The following ETFA variants were observed in gnomAD, a reference collection of about 807,000 sequenced individuals.
ETFA encodes electron transfer flavoprotein subunit alpha, mitochondrial.
In ETFA, 22 loss-of-function variants were observed where a neutral mutation model predicts 46.2. The ratio of observed to expected loss-of-function variants is 0.48; its 90% CI spans 0.34 to 0.68. ETFA has a LOEUF of 0.68. Ranked by LOEUF, ETFA falls within the 30% of genes least tolerant of loss-of-function variation. ETFA has a pLI of 0.01. For synonymous variants in ETFA, 131 were observed against 139.9 expected, an observed-to-expected ratio of 0.94 and a Z score of 0.45; for missense variants, 345 against 401.1, an observed-to-expected ratio of 0.86 and a Z score of 1.19.
intron 1 of ETFA, among the ~76,000 whole-genome samples, chr15:76,307,086 A>G (rs2039946714): frequency 6.6e-6 from 1 of 152,340 alleles, no homozygotes; most frequent in African/African-American, 2.4e-5. Flanking sequence ...CAATAAACAC[A>G]GTAAAAAGAG....
At chr15:76,304,358 C>T (rs1033035575) in intron 1 of ETFA, among the ~76,000 whole-genome samples, 4 of 152,016 alleles carry the variant, frequency 2.6e-5, no homozygotes, top group East Asian at 1.9e-4. Flanking sequence ...ATTACCTGGG[C>T]GGCAAAATAA....
At chr15:76,290,492 G>C (rs2039750505) in intron 4 of ETFA, among the ~76,000 whole-genome samples, 2 of 151,794 alleles carry the variant, frequency 1.3e-5, no homozygotes, top group South Asian at 4.2e-4. Context: ...CCACAGGCAT[G>C]CACCACCACA....
chr15:76,235,692 T>A (rs1330716573), intron 9 of ETFA, among the ~76,000 whole-genome samples: 2 of 152,164 alleles, frequency 1.3e-5, no homozygotes, highest in Admixed American at 6.5e-5. Flanking sequence ...CACAAAAATC[T>A]GTAATCCAAT....
intron 5 of ETFA, 51 bp from the exon 6 acceptor site, chr15:76,286,532 T>C (rs1287968085): frequency 9.1e-7 from 1 of 1,103,746 alleles, no homozygotes; most frequent in Admixed American, 1.8e-5. Flanking sequence ...GCAACAAAAC[T>C]AGCACTCCTT....
chr15:76,287,982 A>G (rs1334684707), intron 4 of ETFA, 37 bp from the exon 5 acceptor site: 1 of 1,238,924 alleles, frequency 8.1e-7, no homozygotes. Flanking sequence ...ACACACATAC[A>G]TAGTGATGGA....
At chr15:76,260,834 G>A (rs1212902545) in intron 9 of ETFA, 1 of 1,610,674 alleles carries the variant, frequency 6.2e-7, no homozygotes, top group African/African-American at 1.3e-5. Flanking sequence ...TGTAGCTGGT[G>A]GCAGGCACCA....
At chr15:76,249,753 T>A (rs565923645) in intron 9 of ETFA, among the ~76,000 whole-genome samples, 26 of 152,302 alleles carry the variant, frequency 1.7e-4, no homozygotes, top group African/African-American at 5.8e-4. Context: ...GTAATCATTT[T>A]AAAATATATA....
intron 9 of ETFA, among the ~76,000 whole-genome samples, chr15:76,258,268 C>T (rs1204521212): frequency 1.3e-5 from 2 of 152,100 alleles, no homozygotes; most frequent in Non-Finnish European, 2.9e-5. Context: ...CAGCCTCACT[C>T]GCTCTTGGGC....
At chr15:76,301,688 C>T (rs552771068) in intron 1 of ETFA, among the ~76,000 whole-genome samples, 5 of 147,572 alleles carry the variant, frequency 3.4e-5, no homozygotes, top group South Asian at 2.3e-4. Context: ...CCAGCCTAGG[C>T]GAGAGAGACT....
chr15:76,261,034 G>A (rs1253311628), intron 9 of ETFA: 13 of 1,599,672 alleles, frequency 8.1e-6, no homozygotes, highest in South Asian at 3.3e-5. Context: ...GGGACTGCAG[G>A]CAGTGCTTGA....
At chr15:76,249,419 C>G (rs576976859) in intron 9 of ETFA, among the ~76,000 whole-genome samples, 9 of 142,854 alleles carry the variant, frequency 6.3e-5, no homozygotes, top group Admixed American at 4.9e-4. Context: ...TGAACCACCA[C>G]GCCCAGTCCA....
intron 9 of ETFA, among the ~76,000 whole-genome samples, chr15:76,249,358 C>T (rs1247960211): frequency 6.6e-6 from 1 of 151,648 alleles, no homozygotes; most frequent in Admixed American, 6.6e-5. Flanking sequence ...GAACTCCCAA[C>T]CTCAGGTGAT....
At chr15:76,270,242 T>C (rs1254917965) in intron 9 of ETFA, among the ~76,000 whole-genome samples, 1 of 152,044 alleles carries the variant, frequency 6.6e-6, no homozygotes, top group Non-Finnish European at 1.5e-5. Context: ...GTGTTGGAGC[T>C]TGAGTGGGGC....
intron 11 of ETFA, among the ~76,000 whole-genome samples, chr15:76,218,525 G>A (rs2038922280): frequency 6.6e-6 from 1 of 152,028 alleles, no homozygotes; most frequent in South Asian, 2.1e-4. Flanking sequence ...CCCACCTCAG[G>A]CTCCCAAAGT....
intron 9 of ETFA, among the ~76,000 whole-genome samples, chr15:76,272,813 C>CATACAT (rs1555457981): frequency 2.9e-5 from 4 of 137,558 alleles, no homozygotes; most frequent in South Asian, 4.5e-4. Flanking sequence ...AAAATATATA[C>CATACAT]ATATATATAT....
chr15:76,295,673 G>C lies in ETFA; in HGVS notation c.104C>G (p.Pro35Arg), dbSNP rs1348530722. Residue 35 changes from proline to arginine, a missense_variant, in exon 2 of 12, where the codon CCC becomes CGC. Pro to Arg is a moderately radical substitution (Grantham distance 103). Coordinates refer to ENST00000557943, the MANE Select transcript of ETFA (RefSeq NM_000126.4). The stretch of plus-strand genomic sequence containing the variant: ...TGCAGTAATGGTATTTAAAGTAATG[G>C]GTGCTAGGGAATCATTTGCATGCTC... ...IAEHANDSLA[P>R]ITLNTITAAT... 2.5e-6 allele frequency: 4 copies of C among 1,613,036 alleles called. No individual in the cohort carries two copies. The Admixed American group carries it at 5.0e-5, about 20-fold the overall frequency.
At chr15:76,283,269 G>A (rs1333873196) in intron 8 of ETFA, among the ~76,000 whole-genome samples, 1 of 151,904 alleles carries the variant, frequency 6.6e-6, no homozygotes, top group Non-Finnish European at 1.5e-5. Context: ...ACAGTGCACT[G>A]TCGCCTCCAC....
At position 76,263,370 on chromosome 15, in the gene ETFA, G is replaced by A. The variant is rs541580863; in HGVS notation, c.816+11042C>T. ...GCGACAAAGACCACAGTGAAGGAACGCTAGAGCATGTGAAAGCGGAGGATG... is the reference window on the plus strand; with the variant it reads ...GCGACAAAGACCACAGTGAAGGAACACTAGAGCATGTGAAAGCGGAGGATG... On this transcript the variant is annotated intron_variant, in intron 9 of 11. Transcript: ENST00000557943. Among the ~76,000 whole-genome samples the A allele has an allele frequency of 3.0e-4, 46 of 152,324 alleles. 1 individual carries two copies. The South Asian group carries it at 9.3e-3, about 31-fold the overall frequency.
chr15:76,217,524 A>G (rs1274657405), intron 11 of ETFA: 1 of 418,042 alleles, frequency 2.4e-6, no homozygotes, highest in Non-Finnish European at 4.9e-6. Flanking sequence ...ACACAGTAAG[A>G]AACCACAGCA....
Sources: gnomAD v4.1 joint callset for allele counts (sites outside exome capture counted in the v4.1 genomes callset) on GRCh38, gnomAD v4.1.1 for gene constraint, MANE v1.5 for transcripts, NCBI Gene and HGNC (gene_info 2026-07-23, HGNC 2026-07-21) for gene names.